Variants in MILR1 observed in about 807,000 individuals in gnomAD.
MILR1 encodes mast cell immunoglobulin like receptor 1.
MILR1 carries 31 observed loss-of-function variants against 18.5 expected under a neutral mutation model. The ratio of observed to expected loss-of-function variants is 1.68; its 90% confidence interval spans 1.26 to 2.26. The LOEUF is 2.26. Among genes scored for constraint, MILR1 ranks in the 30% most tolerant of loss-of-function variants. The pLI is 0.00. For missense variants in MILR1, 257 were observed against 157.4 expected (o/e 1.63, Z -3.38); for synonymous variants, 85 against 56.2 (o/e 1.51, Z -2.30).
downstream of MILR1, among the ~76,000 whole-genome samples, chr17:64,469,114 G>GAAAAGA (rs2037646970): frequency 2.0e-5 from 3 of 149,614 alleles, no homozygotes; most frequent in African/African-American, 4.9e-5. Context: ...AAGAAGAAAA[G>GAAAAGA]AAAAGAAAAA....
the MILR1 span, chr17:64,496,369 C>T: frequency 3.6e-6 from 5 of 1,396,660 alleles, no homozygotes; most frequent in South Asian, 2.6e-5. Flanking sequence ...GCCTTTCCAC[C>T]CGACACCTGT....
At chr17:64,480,986 T>C in the MILR1 span, among the ~76,000 whole-genome samples, 91 of 152,328 alleles carry the variant, frequency 6.0e-4, no homozygotes, top group African/African-American at 1.8e-3. Context: ...CTGTTTTCTT[T>C]ACAAGCAATA....
At chr17:64,464,237 T>C (rs1424674467) in intron 5 of MILR1, among the ~76,000 whole-genome samples, 3 of 148,494 alleles carry the variant, frequency 2.0e-5, no homozygotes, top group East Asian at 4.1e-4. Context: ...CTGCCTCAGC[T>C]ACCTGAGTAG....
the MILR1 span, among the ~76,000 whole-genome samples, chr17:64,495,902 T>C: frequency 6.6e-6 from 1 of 151,902 alleles, no homozygotes; most frequent in Non-Finnish European, 1.5e-5. Flanking sequence ...AGAGACGGGG[T>C]TTCACCATGT....
Position 64,457,504 on chromosome 17 carries a change from T to C in MILR1, c.472T>C (p.Tyr158His). 2.1e-6 allele frequency: 1 copy of C among 475,420 alleles called. No homozygotes were observed. The highest frequency in any genetic ancestry group is 6.7e-5 in the South Asian group (1 of 14,882). 29.5% of individuals were successfully genotyped at this position (475,420 alleles called of 1,614,324 possible). A position where few individuals can be genotyped will look rare whatever the true frequency, so the allele number is the denominator to read the frequency against. ...AGTCAATGGCTCGCTGCCCATCAATTACACTTTCTTTGAAAACCATGTTGC... is the reference window on the plus strand; with the variant it reads ...AGTCAATGGCTCGCTGCCCATCAATCACACTTTCTTTGAAAACCATGTTGC... ...LSVNGSLPIN[Y>H]TFFENHVAIS... The change falls in exon 4 of 10, where the codon TAC (tyrosine) becomes CAC (histidine). Residue 158 changes from tyrosine to histidine, a missense_variant. Coordinates refer to ENST00000619286, the MANE Select transcript of MILR1 (RefSeq NM_001085423.2).
At chr17:64,477,929 C>T in the MILR1 span, 1 of 1,613,980 alleles carries the variant, frequency 6.2e-7, no homozygotes, top group Non-Finnish European at 8.5e-7. Flanking sequence ...ATGTATTAAT[C>T]CATTCTCCAA....
At chr17:64,491,869 A>T in the MILR1 span, 1 of 318,944 alleles carries the variant, frequency 3.1e-6, no homozygotes, top group Non-Finnish European at 5.9e-6. Flanking sequence ...ATTGTTGCTG[A>T]ATCCTTTCAT....
intron 5 of MILR1, among the ~76,000 whole-genome samples, chr17:64,464,264 G>A (rs2037498505): frequency 4.0e-5 from 6 of 148,502 alleles, no homozygotes; most frequent in South Asian, 4.2e-4. Context: ...CCACAGGCGC[G>A]CACCACCATG....
At chr17:64,481,843 C>A in the MILR1 span, among the ~76,000 whole-genome samples, 1 of 151,480 alleles carries the variant, frequency 6.6e-6, no homozygotes, top group African/African-American at 2.4e-5. Context: ...CCACTGCACT[C>A]CAGCCTGGGT....
the MILR1 span, chr17:64,485,683 C>T: frequency 6.7e-7 from 1 of 1,491,468 alleles, no homozygotes; most frequent in Non-Finnish European, 9.3e-7. Flanking sequence ...CAAACAAACC[C>T]ATATTTTTAG....
chr17:64,452,873 A>G lies in MILR1; in HGVS notation c.367+7A>G. 2 of 474,894 alleles carry G rather than the reference A, an allele frequency of 4.2e-6. No individual in the cohort carries two copies. The highest frequency in any genetic ancestry group is 7.7e-6 in the Non-Finnish European group (2 of 258,882). The allele number at this position is 474,894 out of a possible 1,614,324, so 29.4% of individuals were successfully genotyped here. ...TTCAGCTTCACGATTGTCGGTAAGT[A>G]GAGTGCCTGTTCCTTGGAGCCCCTA... is the stretch of plus-strand genomic sequence containing the variant. On this transcript the variant is annotated splice_region_variant and intron_variant, in intron 3 of 9. Coordinates refer to ENST00000619286, the MANE Select transcript of MILR1 (RefSeq NM_001085423.2).
the MILR1 span, among the ~76,000 whole-genome samples, chr17:64,474,196 T>C: frequency 6.6e-6 from 1 of 152,098 alleles, no homozygotes; most frequent in Non-Finnish European, 1.5e-5. Context: ...TGCTTCAAAC[T>C]CCCAAGTAGC....
chr17:64,450,044 T>C (rs1423146118), intron 2 of MILR1, among the ~76,000 whole-genome samples: 1 of 151,872 alleles, frequency 6.6e-6, no homozygotes, highest in African/African-American at 2.4e-5. Flanking sequence ...GTTCAAGTGA[T>C]TCTCCTGCCT....
At chr17:64,476,256 C>G in the MILR1 span, among the ~76,000 whole-genome samples, 1 of 151,962 alleles carries the variant, frequency 6.6e-6, no homozygotes, top group South Asian at 2.1e-4. Flanking sequence ...CATTATCACA[C>G]CCAACAAAAT....
At chr17:64,497,192 C>A in the MILR1 span, among the ~76,000 whole-genome samples, 1 of 152,244 alleles carries the variant, frequency 6.6e-6, no homozygotes. Flanking sequence ...TGCTAGCTTG[C>A]CGTTCGCGTC....
chr17:64,477,700 C>G, the MILR1 span: 1 of 1,091,384 alleles, frequency 9.2e-7, no homozygotes, highest in Non-Finnish European at 1.3e-6. Context: ...AATATAAACA[C>G]TGAATGAAAG....
In MILR1 at chr17:64,466,527, C is replaced by T. The variant is rs782113534; in HGVS notation, c.910+29C>T. ...AGCATGTTCTGCAGAGTCTATTCCACTGCCCTCATGCGCTTAGAAATTCAC... is the reference window on the plus strand; with the variant it reads ...AGCATGTTCTGCAGAGTCTATTCCATTGCCCTCATGCGCTTAGAAATTCAC... On this transcript the variant is annotated intron_variant, in intron 7 of 9. Transcript: ENST00000619286. The T allele has an allele frequency of 1.1e-5, 18 of 1,612,812 alleles. No homozygotes were observed. The Admixed American group carries it at 2.5e-4, about 22-fold the overall frequency.
downstream of MILR1, among the ~76,000 whole-genome samples, chr17:64,472,814 G>A (rs1343354374): frequency 2.0e-5 from 3 of 152,124 alleles, no homozygotes; most frequent in Non-Finnish European, 4.4e-5. Context: ...GTTAGGTGAA[G>A]CATGACTGTA....
rs1189001721 is a variant in MILR1 at position 64,468,368 on chromosome 17, A to G, written c.*87A>G. ...CAGTAGCGCGATCTTGGCTCACTTCAATCTCCATCTTCCCAGTTCAAGCGA... is the reference window on the plus strand; with the variant it reads ...CAGTAGCGCGATCTTGGCTCACTTCGATCTCCATCTTCCCAGTTCAAGCGA... On this transcript the variant is annotated 3_prime_UTR_variant, in exon 10 of 10. Coordinates refer to ENST00000619286, the MANE Select transcript of MILR1 (RefSeq NM_001085423.2). 1 of 446,988 alleles carries G rather than the reference A, an allele frequency of 2.2e-6. No homozygotes were observed. Among genetic ancestry groups the G allele is most frequent in the African/African-American group, 2.0e-5 (1 of 48,872 alleles). The allele number at this position is 446,988 out of a possible 1,614,324, so 27.7% of individuals were successfully genotyped here. A position where few individuals can be genotyped will look rare whatever the true frequency, so the allele number is the denominator to read the frequency against.
Sources: gnomAD v4.1 joint callset for allele counts (sites outside exome capture counted in the v4.1 genomes callset) on GRCh38, gnomAD v4.1.1 for gene constraint, MANE v1.5 for transcripts, NCBI Gene and HGNC (gene_info 2026-07-23, HGNC 2026-07-21) for gene names.